The following PKNOX1 variants were observed in gnomAD, a reference collection of about 807,000 sequenced individuals.
PKNOX1 encodes homeobox protein PKNOX1.
In PKNOX1, 15 loss-of-function variants were observed where a neutral mutation model predicts 51.9. The observed-to-expected ratio is 0.29, with a 90% CI of 0.19 to 0.45. The LOEUF (loss-of-function observed/expected upper bound fraction) is 0.45, where lower values mean the gene tolerates loss of function less well. Ranked by LOEUF, PKNOX1 falls within the 20% of genes least tolerant of loss-of-function variation. PKNOX1 has a pLI of 1.00. For synonymous variants in PKNOX1, 219 were observed against 211.1 expected, an observed-to-expected ratio of 1.04 and a Z score of -0.32; for missense variants, 462 against 547.5, an observed-to-expected ratio of 0.84 and a Z score of 1.56.
chr21:43,017,490 A>G (rs451776), intron 6 of PKNOX1: 136,575 of 152,682 alleles, frequency 0.89, 61,211 homozygotes, highest in Non-Finnish European at 0.91. Context: ...GGGACACGGC[A>G]AAGAGGGAGG....
chr21:42,980,530 C>A (rs953912784), intron 1 of PKNOX1, among the ~76,000 whole-genome samples: 1 of 152,088 alleles, frequency 6.6e-6, no homozygotes, highest in African/African-American at 2.4e-5. Context: ...TAAAGTGATG[C>A]AAAGTATAGA....
chr21:42,986,231 A>G (rs1014921839), intron 1 of PKNOX1, among the ~76,000 whole-genome samples: 16 of 151,938 alleles, frequency 1.1e-4, no homozygotes, highest in African/African-American at 3.9e-4. Context: ...GGCTGGGCGC[A>G]GTGGCTCATG....
At chr21:42,980,588 CT>C (rs2059021221) in intron 1 of PKNOX1, among the ~76,000 whole-genome samples, 1 of 152,114 alleles carries the variant, frequency 6.6e-6, no homozygotes, top group Non-Finnish European at 1.5e-5. Context: ...TGCTTGGCCT[CT>C]GGGGGCCTCT....
intron 1 of PKNOX1, among the ~76,000 whole-genome samples, chr21:42,993,244 C>T (rs951897084): frequency 6.6e-6 from 1 of 152,162 alleles, no homozygotes; most frequent in Non-Finnish European, 1.5e-5. Flanking sequence ...CCTCACTGCC[C>T]CTTTCCTCCC....
intron 1 of PKNOX1, among the ~76,000 whole-genome samples, chr21:42,998,724 T>A (rs1339483321): frequency 6.6e-6 from 1 of 152,238 alleles, no homozygotes; most frequent in African/African-American, 2.4e-5. Context: ...AATGATTTCC[T>A]TTGACTGCAT....
At chr21:43,011,867 A>T (rs1382687695) in intron 4 of PKNOX1, among the ~76,000 whole-genome samples, 6 of 152,140 alleles carry the variant, frequency 3.9e-5, no homozygotes, top group Admixed American at 2.6e-4. Flanking sequence ...CTAACAGTGC[A>T]TGCTCTTTGG....
At position 43,021,322 on chromosome 21, in the gene PKNOX1, A is replaced by G. The variant is rs1372119435; in HGVS notation, c.740A>G (p.Gln247Arg). The G allele has an allele frequency of 1.8e-5, 29 of 1,607,898 alleles. No individual in the cohort carries two copies. The highest frequency in any genetic ancestry group is 2.4e-5 in the Non-Finnish European group (28 of 1,176,668). The stretch of plus-strand genomic sequence containing the variant: ...TAAAAGCTTCAGTTACAGTTAAACC[A>G]AGATCTCAGCATCTTGCATCAAGAT... ...QNSQLQLQLN[Q>R]DLSILHQDDG... is the part of the protein sequence containing the mutation. The change falls in exon 8 of 11, where the codon CAA (glutamine) becomes CGA (arginine). Residue 247 changes from glutamine to arginine, a missense_variant. Physicochemically the swap from Gln to Arg is conservative, Grantham distance 43. Transcript: ENST00000291547. This position sits in a 1 kb window ranked among gnomAD's most constrained non-coding sequence, Gnocchi z 4.6.
chr21:42,993,033 A>G (rs2059096564), intron 1 of PKNOX1, among the ~76,000 whole-genome samples: 1 of 152,226 alleles, frequency 6.6e-6, no homozygotes, highest in African/African-American at 2.4e-5. Flanking sequence ...TATGAACAAG[A>G]TGGAAGCCTC....
intron 9 of PKNOX1, among the ~76,000 whole-genome samples, chr21:43,025,220 C>A (rs1276099414): frequency 6.6e-6 from 1 of 152,144 alleles, no homozygotes; most frequent in Non-Finnish European, 1.5e-5. Context: ...GCAATGGGAG[C>A]AGGAGACTTA....
At chr21:43,005,195 T>G (rs566776926) in intron 2 of PKNOX1, among the ~76,000 whole-genome samples, 3 of 152,288 alleles carry the variant, frequency 2.0e-5, no homozygotes, top group African/African-American at 4.8e-5. Context: ...TTTACTTTCC[T>G]GCCCAGCAGG....
At position 43,002,405 on chromosome 21, in the gene PKNOX1, C is replaced by A. The variant is rs555686498; in HGVS notation, c.-56-1921C>A. Among the ~76,000 whole-genome samples, 395 of 44,126 alleles carry A rather than the reference C, an allele frequency of 9.0e-3. 2 individuals are homozygous for A. Among genetic ancestry groups the A allele is most frequent in the African/African-American group, 0.022 (363 of 16,702 alleles). The allele number at this position is 44,126 out of a possible 152,430, so 28.9% of individuals were successfully genotyped here. A position where few individuals can be genotyped will look rare whatever the true frequency, so the allele number is the denominator to read the frequency against. ...TCCTCTCTTGTACTCATTGACTGTG[C>A]CCCCTCCCTTGTATCCACAACTTTG... On this transcript the variant is annotated intron_variant, in intron 1 of 10. Transcript: ENST00000291547.
chr21:43,029,958 G>A lies in PKNOX1; in HGVS notation c.1168G>A (p.Gly390Arg), dbSNP rs1410401588. 5.0e-6 allele frequency: 8 copies of A among 1,614,120 alleles called. No homozygotes were observed. The highest frequency in any genetic ancestry group is 3.3e-5 in the South Asian group (3 of 91,074). The change falls in exon 11 of 11, where the codon GGG (glycine) becomes AGG (arginine). Residue 390 changes from glycine (G) to arginine (R), a missense_variant. Transcript: ENST00000291547. Reference protein sequence around the residue: ...VDSLQSLSSDGATLAVQQVMM... With the variant: ...VDSLQSLSSDRATLAVQQVMM... ...CAGCCTTCAGTCTCTGTCCTCGGAC[G>A]GGGCCACCCTGGCGGTGCAGCAGGT...
chr21:42,985,118 G>A (rs1282136069), intron 1 of PKNOX1, among the ~76,000 whole-genome samples: 1 of 150,720 alleles, frequency 6.6e-6, no homozygotes, highest in Non-Finnish European at 1.5e-5. Context: ...CTCCCGAGTA[G>A]CTGGGACTAC....
intron 1 of PKNOX1, among the ~76,000 whole-genome samples, chr21:42,978,697 T>C (rs1300037017): frequency 1.3e-5 from 2 of 152,082 alleles, no homozygotes; most frequent in Non-Finnish European, 2.9e-5. Flanking sequence ...TTGGCCAGGC[T>C]GGTCTTGAAC....
At position 43,021,294 on chromosome 21, in the gene PKNOX1, CT is replaced by C; in HGVS notation, c.721-6del. ...TATGCTTTCTAATGTTATTTTTCAA[CT>C]TTAAAAGCTTCAGTTACAGTTAAAC... On this transcript the variant is annotated splice_region_variant and splice_polypyrimidine_tract_variant and intron_variant, in intron 7 of 10. Transcript: ENST00000291547. This position sits in a 1 kb window ranked among gnomAD's most constrained non-coding sequence, Gnocchi z 4.6. The C allele has an allele frequency of 6.3e-7, 1 of 1,585,730 alleles. No individual in the cohort carries two copies. Among genetic ancestry groups the C allele is most frequent in the Non-Finnish European group, 8.6e-7 (1 of 1,162,406 alleles).
intron 1 of PKNOX1, among the ~76,000 whole-genome samples, chr21:42,979,720 T>C (rs411914): frequency 0.9 from 137,223 of 152,080 alleles, 62,040 homozygotes; most frequent in African/African-American, 0.93. Flanking sequence ...CCAGCCTGGG[T>C]GACACAGCGA....
intron 1 of PKNOX1, among the ~76,000 whole-genome samples, chr21:42,987,397 A>AT: frequency 3.2e-5 from 4 of 125,110 alleles, no homozygotes; most frequent in African/African-American, 1.3e-4. Context: ...AAAAAAAAAA[A>AT]AAAAAAAATA....
chr21:42,977,641 G>A (rs543910806), intron 1 of PKNOX1, among the ~76,000 whole-genome samples: 56 of 147,840 alleles, frequency 3.8e-4, no homozygotes, highest in Non-Finnish European at 6.4e-4. Flanking sequence ...TCCACCTCCC[G>A]GGTTCAAGCG....
chr21:42,985,595 A>T (rs1292886939), intron 1 of PKNOX1, among the ~76,000 whole-genome samples: 3 of 151,338 alleles, frequency 2.0e-5, no homozygotes, highest in Admixed American at 2.0e-4. Context: ...TCGACCTCCC[A>T]CAATGCTGAG....
Sources: allele counts gnomAD v4.1 joint callset (sites outside exome capture counted in the v4.1 genomes callset), GRCh38; gene constraint gnomAD v4.1.1; non-coding constraint Gnocchi (gnomAD v3.1); transcripts MANE v1.5; gene names NCBI Gene and HGNC (gene_info 2026-07-23, HGNC 2026-07-21).